The following ZMYM1 variants were observed in gnomAD, a reference collection of about 807,000 sequenced individuals.
ZMYM1 encodes the protein zinc finger MYM-type containing 1.
Under a neutral mutation model 60.0 loss-of-function variants are expected in ZMYM1, and 39 were observed. That is an observed-to-expected ratio of 0.65 (90% CI 0.50 to 0.85). The LOEUF (loss-of-function observed/expected upper bound fraction) is 0.85, where lower values mean the gene tolerates loss of function less well. ZMYM1 is among the 40% of genes least tolerant of loss of function. The pLI, the probability that ZMYM1 is intolerant of heterozygous loss-of-function variation, is 0.00. For synonymous variants in ZMYM1, 413 were observed against 454.0 expected, an observed-to-expected ratio of 0.91 and a Z score of 1.15; for missense variants, 1,171 against 1,309.5, an observed-to-expected ratio of 0.89 and a Z score of 1.63.
At position 35,097,562 on chromosome 1, in the gene ZMYM1, T is replaced by C. The variant is rs2148523755; in HGVS notation, c.415T>C (p.Ser139Pro). The part of the protein sequence containing the change: ...VPSKRTCSNC[S>P]KDILNPKDVI... ...TTCTAAGAGAACTTGTTCAAACTGC[T>C]CAAAGTATATAATTCTAAATTATGC... The change falls in exon 4 of 10, where the codon TCA becomes CCA. Residue 139 changes from serine to proline, a missense_variant. Transcript: ENST00000359858. 4.3e-6 allele frequency: 7 copies of C among 1,614,152 alleles called. No homozygotes were observed. Among genetic ancestry groups the C allele is most frequent in the Non-Finnish European group, 5.9e-6 (7 of 1,179,956 alleles).
At chr1:35,111,628 A>G in intron 7 of ZMYM1, 144 bp from the exon 8 acceptor site, 1 of 596,224 alleles carries the variant, frequency 1.7e-6, no homozygotes, top group Middle Eastern at 5.1e-4. Flanking sequence ...GGCTATTCCT[A>G]AGCCCTAATA....
chr1:35,097,230 TA>T, intron 3 of ZMYM1, 86 bp from the exon 4 acceptor site: 3 of 1,458,812 alleles, frequency 2.1e-6, no homozygotes, highest in Non-Finnish European at 2.8e-6. Flanking sequence ...ACCCTGTCTC[TA>T]AAAAAAGAAA....
At position 35,114,856 on chromosome 1, in the gene ZMYM1, C is replaced by G; in HGVS notation, c.3026C>G (p.Thr1009Arg). Reference sequence around the variant, plus strand: ...TGGAATGAACCATTAAATGAAACAACAGCAAAACATGTTCAGGAATTTTAT... The same window carrying G: ...TGGAATGAACCATTAAATGAAACAAGAGCAAAACATGTTCAGGAATTTTAT... ...FKWNEPLNET[T>R]AKHVQEFYKL... is the part of the protein sequence containing the mutation. The change falls in exon 10 of 10, where the codon ACA becomes AGA. Residue 1009 changes from threonine (T) to arginine (R), a missense_variant. By Grantham distance (71) the Thr-to-Arg change is moderately conservative. Coordinates refer to ENST00000359858, the MANE Select transcript of ZMYM1 (RefSeq NM_024772.5). The G allele has an allele frequency of 6.2e-7, 1 of 1,605,956 alleles. No homozygotes were observed. Among genetic ancestry groups the G allele is most frequent in the Non-Finnish European group, 8.5e-7 (1 of 1,175,560 alleles).
At chr1:35,083,452 T>G (rs1642497694) in intron 1 of ZMYM1, among the ~76,000 whole-genome samples, 1 of 152,026 alleles carries the variant, frequency 6.6e-6, no homozygotes, top group Non-Finnish European at 1.5e-5. Context: ...ACACCCAACC[T>G]TAGTGCTTTT....
chr1:35,108,699 A>ATTTTT (rs771920421), intron 6 of ZMYM1, among the ~76,000 whole-genome samples: 2 of 106,764 alleles, frequency 1.9e-5, no homozygotes, highest in Non-Finnish European at 3.9e-5. Flanking sequence ...TCCATCGGTG[A>ATTTTT]TTTTTTTTTT....
Position 35,104,489 on chromosome 1 carries a change from T to C in ZMYM1, c.594+20T>C. On this transcript the variant is annotated intron_variant, in intron 5 of 9. Coordinates refer to ENST00000359858, the MANE Select transcript of ZMYM1 (RefSeq NM_024772.5). ...GCTATTGTAAGTTCCAATTATAACC[T>C]TTACAGGGATTCTGATGATTCTGCT... 6.2e-7 allele frequency: 1 copy of C among 1,610,556 alleles called. No individual in the cohort carries two copies. The highest frequency in any genetic ancestry group is 8.5e-7 in the Non-Finnish European group (1 of 1,177,636).
intron 6 of ZMYM1, among the ~76,000 whole-genome samples, chr1:35,106,913 G>A (rs1162568404): frequency 6.6e-6 from 1 of 151,296 alleles, no homozygotes; most frequent in East Asian, 2.0e-4. Flanking sequence ...GTGCAGTGGC[G>A]CAATCTCAGC....
chr1:35,113,560 C>T lies in ZMYM1; in HGVS notation c.1730C>T (p.Ser577Leu). ...TTACCCTTAAGAGGAAACGACCAGT[C>T]AGTTTCATCTGTGAATAAAGGCAAT... is the stretch of plus-strand genomic sequence containing the variant. ...QCLPLRGNDQ[S>L]VSSVNKGNFL... The change falls in exon 10 of 10, where the codon TCA becomes TTA. Residue 577 changes from serine to leucine, a missense_variant. Physicochemically the swap from Ser to Leu is moderately radical, Grantham distance 145. Transcript: ENST00000359858. 2 of 1,613,490 alleles carry T rather than the reference C, an allele frequency of 1.2e-6. No homozygotes were observed. The highest frequency in any genetic ancestry group is 1.7e-6 in the Non-Finnish European group (2 of 1,179,844).
chr1:35,079,026 C>T (rs1270370301), upstream of ZMYM1: 3 of 152,038 alleles, frequency 2.0e-5, no homozygotes, highest in Non-Finnish European at 4.4e-5. Context: ...GTTTACAAAC[C>T]TACGATGCAG....
At chr1:35,088,160 C>G (rs1035998811) in intron 1 of ZMYM1, among the ~76,000 whole-genome samples, 2 of 151,940 alleles carry the variant, frequency 1.3e-5, no homozygotes, top group Non-Finnish European at 2.9e-5. Context: ...TGGCTCACAC[C>G]TGTAATCCCA....
At chr1:35,060,875 G>A (rs923223691) in intron 1 of ZMYM1, among the ~76,000 whole-genome samples, 5 of 152,314 alleles carry the variant, frequency 3.3e-5, no homozygotes, top group Admixed American at 2.0e-4. Flanking sequence ...TGGCCCTGGT[G>A]CTTGAAACTC....
intron 1 of ZMYM1, among the ~76,000 whole-genome samples, chr1:35,065,176 G>T (rs1282391290): frequency 2.0e-5 from 3 of 151,884 alleles, no homozygotes; most frequent in Non-Finnish European, 4.4e-5. Context: ...TCTCCCCGCT[G>T]CCACCCCTGA....
rs772714408 is a variant in ZMYM1 at position 35,114,627 on chromosome 1, CCTT to C, written c.2800_2802del (p.Ser934del). ...CTGTAAAGGTTTTAAAGTTGAAAAACCTTCTCTTCAGAAAAGAAGAAAAATTCA... is the reference window on the plus strand; with the variant it reads ...CTGTAAAGGTTTTAAAGTTGAAAAACCTCTTCAGAAAAGAAGAAAAATTCA... On this transcript the variant is annotated inframe_deletion, in exon 10 of 10. Coordinates refer to ENST00000359858, the MANE Select transcript of ZMYM1 (RefSeq NM_024772.5). 110 of 1,606,912 alleles carry C rather than the reference CCTT, an allele frequency of 6.8e-5. No individual in the cohort carries two copies. The highest frequency in any genetic ancestry group is 3.6e-4 in the East Asian group (16 of 44,770).
rs1243475462 is a variant in ZMYM1, at chr1:35,097,305, G to A, written c.170-12G>A. Reference sequence around the variant, plus strand: ...ATAACAATTTTTTTTTCTCCCTCTTGTGTTTTTATAGCTTCACAGTTGACT... The same window carrying A: ...ATAACAATTTTTTTTTCTCCCTCTTATGTTTTTATAGCTTCACAGTTGACT... On this transcript the variant is annotated splice_polypyrimidine_tract_variant and intron_variant, in intron 3 of 9. Coordinates refer to ENST00000359858, the MANE Select transcript of ZMYM1 (RefSeq NM_024772.5). 3.2e-6 allele frequency: 5 copies of A among 1,561,610 alleles called. No homozygotes were observed. The highest frequency in any genetic ancestry group is 2.6e-6 in the Non-Finnish European group (3 of 1,159,374).
chr1:35,098,012 G>A (rs187906240), intron 4 of ZMYM1, among the ~76,000 whole-genome samples: 8 of 152,254 alleles, frequency 5.3e-5, no homozygotes, highest in Non-Finnish European at 1.2e-4. Flanking sequence ...TCTACTTTTA[G>A]TTCCTCTGAT....
chr1:35,070,852 C>A (rs11264001), intron 1 of ZMYM1, among the ~76,000 whole-genome samples: 98,070 of 151,164 alleles, frequency 0.65, 38,885 homozygotes, highest in Non-Finnish European at 0.89. Context: ...TTTGTCAAAT[C>A]CTTTTTCTGC....
At chr1:35,062,293 T>C (rs1367620960) in intron 1 of ZMYM1, among the ~76,000 whole-genome samples, 1 of 152,224 alleles carries the variant, frequency 6.6e-6, no homozygotes, top group Admixed American at 6.6e-5. Flanking sequence ...CTTTTCTTTC[T>C]ACTTAGAAGC....
chr1:35,103,082 C>T (rs1643740914), intron 4 of ZMYM1, among the ~76,000 whole-genome samples: 2 of 152,180 alleles, frequency 1.3e-5, no homozygotes, highest in South Asian at 4.1e-4. Flanking sequence ...GTTTTACCCA[C>T]CATTGCCTTT....
intron 6 of ZMYM1, among the ~76,000 whole-genome samples, chr1:35,106,975 G>C (rs1370680383): frequency 6.6e-6 from 1 of 151,526 alleles, no homozygotes; most frequent in Non-Finnish European, 1.5e-5. Flanking sequence ...TCTCAGCCTC[G>C]CGAGCAGCTG....
Sources: gnomAD v4.1 joint callset for allele counts (sites outside exome capture counted in the v4.1 genomes callset) on GRCh38, gnomAD v4.1.1 for gene constraint, MANE v1.5 for transcripts, NCBI Gene and HGNC (gene_info 2026-07-23, HGNC 2026-07-21) for gene names.